The following PLPPR1 variants were observed in gnomAD, a reference collection of about 807,000 sequenced individuals.
PLPPR1 encodes the protein phospholipid phosphatase-related protein type 1.
Under a neutral mutation model 33.1 loss-of-function variants are expected in PLPPR1, and 10 were observed. The ratio of observed to expected loss-of-function variants is 0.30; its 90% CI spans 0.19 to 0.51. The LOEUF (loss-of-function observed/expected upper bound fraction) is 0.51. Among genes scored for constraint, PLPPR1 ranks in the 20% least tolerant of loss-of-function variants. The pLI is 0.97. For synonymous variants in PLPPR1, 151 were observed against 151.0 expected, an observed-to-expected ratio of 1.00 and a Z score of 0.00; for missense variants, 304 against 408.1, an observed-to-expected ratio of 0.74 and a Z score of 2.20.
At chr9:101,221,346 A>G (rs1826934064) in intron 2 of PLPPR1, among the ~76,000 whole-genome samples, 1 of 152,158 alleles carries the variant, frequency 6.6e-6, no homozygotes, top group African/African-American at 2.4e-5. Flanking sequence ...ATAAGTGTCC[A>G]GGGACAGCCC....
rs925165825 is a variant in PLPPR1 at position 101,270,088 on chromosome 9, T to G, written c.252+20T>G. The G allele has an allele frequency of 1.3e-5, 21 of 1,611,284 alleles. No homozygotes were observed. The African/African-American group carries it at 1.9e-4, about 14-fold the overall frequency. ...GCTATTGTAAGTACAGAAATAGACT[T>G]TCCTCTTTATTGTCAGATACCCAAG... On this transcript the variant is annotated intron_variant, in intron 3 of 7. Coordinates refer to ENST00000374874, the MANE Select transcript of PLPPR1 (RefSeq NM_207299.2).
In PLPPR1 at chr9:101,183,553, G is replaced by A. The variant is rs192344813; in HGVS notation, c.-45-1897G>A. Reference sequence around the variant, plus strand: ...AAATAGACATGATAATTCTTTTAGGGGTGATTAAAAAGTTCTAAAACTATC... The same window carrying A: ...AAATAGACATGATAATTCTTTTAGGAGTGATTAAAAAGTTCTAAAACTATC... On this transcript the variant is annotated intron_variant, in intron 1 of 7. Transcript: ENST00000374874. 8.3e-4 allele frequency among the ~76,000 whole-genome samples: 126 copies of A among 151,594 alleles called. 2 individuals carry two copies. The highest frequency in any genetic ancestry group is 8.2e-3 in the Admixed American group (124 of 15,170).
At chr9:101,147,937 G>A (rs940630391) in intron 1 of PLPPR1, among the ~76,000 whole-genome samples, 1 of 152,136 alleles carries the variant, frequency 6.6e-6, no homozygotes, top group African/African-American at 2.4e-5. Context: ...TCTTTTTCCT[G>A]GCTCAGGGCA....
At position 101,195,249 on chromosome 9, in the gene PLPPR1, C is replaced by T. The variant is rs529653411; in HGVS notation, c.63+9692C>T. Among the ~76,000 whole-genome samples the T allele has an allele frequency of 3.9e-5, 6 of 152,248 alleles. 1 individual carries two copies. In the South Asian group the frequency reaches 1.2e-3, roughly 32 times the overall value. On this transcript the variant is annotated intron_variant, in intron 2 of 7. Transcript: ENST00000374874. The stretch of plus-strand genomic sequence containing the variant: ...TTAGCCAAAGCAATGGAAATGTGGC[C>T]ATGCCCCACTTCAAAGAGAGTAGGG...
chr9:101,116,955 C>T (rs1365307299), intron 1 of PLPPR1, among the ~76,000 whole-genome samples: 1 of 152,090 alleles, frequency 6.6e-6, no homozygotes, highest in Non-Finnish European at 1.5e-5. Flanking sequence ...GCTTTCTGAC[C>T]AGGCTTCTCT....
At chr9:101,079,442 G>C (rs1830589566) in intron 1 of PLPPR1, among the ~76,000 whole-genome samples, 2 of 152,082 alleles carry the variant, frequency 1.3e-5, no homozygotes, top group South Asian at 4.2e-4. Flanking sequence ...TTTTGTTTTA[G>C]AATTTTCATG....
At chr9:101,159,340 T>C (rs1017052651) in intron 1 of PLPPR1, among the ~76,000 whole-genome samples, 1 of 152,242 alleles carries the variant, frequency 6.6e-6, no homozygotes, top group Non-Finnish European at 1.5e-5. Flanking sequence ...AGTGGTAGTT[T>C]AGGCTCTGGA....
chr9:101,058,996 C>A (rs1441410588), intron 1 of PLPPR1, among the ~76,000 whole-genome samples: 2 of 152,134 alleles, frequency 1.3e-5, no homozygotes, highest in African/African-American at 2.4e-5. Context: ...ATACTTCCAG[C>A]CACTTACTAT....
At chr9:101,158,147 G>T (rs1429239587) in intron 1 of PLPPR1, among the ~76,000 whole-genome samples, 1 of 152,116 alleles carries the variant, frequency 6.6e-6, no homozygotes, top group East Asian at 1.9e-4. Context: ...TTAAAAGTTT[G>T]TTGTTATTTA....
chr9:101,043,804 T>C (rs1830111872), intron 1 of PLPPR1, among the ~76,000 whole-genome samples: 1 of 151,798 alleles, frequency 6.6e-6, no homozygotes, highest in African/African-American at 2.4e-5. Flanking sequence ...CACCCCAACA[T>C]CTATTTTTTT....
intron 1 of PLPPR1, among the ~76,000 whole-genome samples, chr9:101,081,029 A>G (rs1830611363): frequency 6.6e-6 from 1 of 152,020 alleles, no homozygotes; most frequent in Admixed American, 6.6e-5. Flanking sequence ...CCTGCTGCTG[A>G]TTTAGAATTC....
At chr9:101,145,402 A>G (rs904899167) in intron 1 of PLPPR1, among the ~76,000 whole-genome samples, 78 of 151,892 alleles carry the variant, frequency 5.1e-4, no homozygotes, top group African/African-American at 1.8e-3. Flanking sequence ...TTTTTTTGAG[A>G]CGGAGTTTTG....
intron 1 of PLPPR1, among the ~76,000 whole-genome samples, chr9:101,140,697 A>T (rs541015958): frequency 1.7e-4 from 26 of 152,290 alleles, no homozygotes; most frequent in Admixed American, 1.2e-3. Flanking sequence ...CAGAATAGGG[A>T]TAAAAAGATA....
chr9:101,263,263 G>C (rs1336697015), intron 2 of PLPPR1, among the ~76,000 whole-genome samples: 1 of 152,136 alleles, frequency 6.6e-6, no homozygotes, highest in African/African-American at 2.4e-5. Context: ...ACTCCTGTCT[G>C]GTCACTATAC....
At chr9:101,205,139 G>A (rs62576886) in intron 2 of PLPPR1, among the ~76,000 whole-genome samples, 1 of 151,970 alleles carries the variant, frequency 6.6e-6, no homozygotes, top group African/African-American at 2.4e-5. Context: ...TATTTCTTTT[G>A]GCAGGTATCT....
intron 2 of PLPPR1, among the ~76,000 whole-genome samples, chr9:101,240,514 T>C (rs996513257): frequency 3.4e-5 from 5 of 148,962 alleles, no homozygotes; most frequent in African/African-American, 1.0e-4. Flanking sequence ...ACAATATCAA[T>C]TCTTCTAATC....
chr9:101,053,330 G>T (rs1247549311), intron 1 of PLPPR1, among the ~76,000 whole-genome samples: 1 of 152,012 alleles, frequency 6.6e-6, no homozygotes. Flanking sequence ...CTCTCATATT[G>T]ATTTCATACT....
At chr9:101,133,762 A>G (rs757097270) in intron 1 of PLPPR1, among the ~76,000 whole-genome samples, 5 of 152,192 alleles carry the variant, frequency 3.3e-5, no homozygotes, top group Non-Finnish European at 4.4e-5. Context: ...TCCCTGTAGG[A>G]AAGTGAAGAA....
At chr9:101,296,004 A>T (rs1828628435) in intron 4 of PLPPR1, among the ~76,000 whole-genome samples, 1 of 151,746 alleles carries the variant, frequency 6.6e-6, no homozygotes, top group African/African-American at 2.4e-5. Flanking sequence ...CTACCATCAG[A>T]GTGAACAGGC....
Sources: gnomAD v4.1 joint callset for allele counts (sites outside exome capture counted in the v4.1 genomes callset) on GRCh38, gnomAD v4.1.1 for gene constraint, MANE v1.5 for transcripts, NCBI Gene and HGNC (gene_info 2026-07-23, HGNC 2026-07-21) for gene names.